Variants in ATF7IP2 observed in about 807,000 individuals in gnomAD.
ATF7IP2 encodes the protein activating transcription factor 7-interacting protein 2.
A neutral mutation model predicts 64.2 loss-of-function variants in ATF7IP2; 42 were observed. The ratio of observed to expected loss-of-function variants is 0.65; its 90% CI spans 0.51 to 0.85. ATF7IP2 has a LOEUF of 0.85. ATF7IP2 is among the 40% of genes least tolerant of loss of function. The pLI is 0.00. For missense variants in ATF7IP2, 933 were observed against 784.2 expected, an observed-to-expected ratio of 1.19 and a Z score of -2.27; for synonymous variants, 308 against 272.8, an observed-to-expected ratio of 1.13 and a Z score of -1.27.
intron 12 of ATF7IP2, among the ~76,000 whole-genome samples, chr16:10,478,370 C>A (rs1401949628): frequency 6.6e-6 from 1 of 152,104 alleles, no homozygotes; most frequent in Non-Finnish European, 1.5e-5. Context: ...ACTATCTGAT[C>A]TTTGACAAAC....
At chr16:10,415,282 A>T (rs1448504546) in intron 2 of ATF7IP2, among the ~76,000 whole-genome samples, 1 of 152,206 alleles carries the variant, frequency 6.6e-6, no homozygotes, top group Non-Finnish European at 1.5e-5. Flanking sequence ...AAACAGACCA[A>T]ACAGTAGAAC....
chr16:10,416,763 C>T (rs2047888475), intron 2 of ATF7IP2, among the ~76,000 whole-genome samples: 1 of 152,192 alleles, frequency 6.6e-6, no homozygotes, highest in Non-Finnish European at 1.5e-5. Context: ...CACCACTGCA[C>T]TCCAGCCTGG....
intron 1 of ATF7IP2, among the ~76,000 whole-genome samples, chr16:10,389,202 T>C (rs925155025): frequency 6.6e-6 from 1 of 152,118 alleles, no homozygotes; most frequent in East Asian, 1.9e-4. Context: ...AGTTGATATC[T>C]CCAGGAAAAG....
intron 9 of ATF7IP2, 100 bp downstream of exon 9, chr16:10,457,629 A>G: frequency 2.3e-6 from 2 of 882,798 alleles, no homozygotes; most frequent in Non-Finnish European, 1.7e-6. Context: ...ATTATTCTTA[A>G]CATTCACTCT....
intron 1 of ATF7IP2, among the ~76,000 whole-genome samples, chr16:10,402,939 G>A (rs1315615418): frequency 1.3e-5 from 2 of 151,636 alleles, no homozygotes; most frequent in Non-Finnish European, 2.9e-5. Flanking sequence ...GTCTTGTTTT[G>A]TGGTCTAATG....
At chr16:10,452,206 T>A (rs1021936903) in intron 8 of ATF7IP2, among the ~76,000 whole-genome samples, 6 of 152,214 alleles carry the variant, frequency 3.9e-5, no homozygotes, top group African/African-American at 1.4e-4. Context: ...GGCGTTCTTG[T>A]TTTTGGAATT....
intron 7 of ATF7IP2, among the ~76,000 whole-genome samples, chr16:10,438,726 G>GA (rs1443775248): frequency 6.6e-6 from 1 of 152,122 alleles, no homozygotes; most frequent in Non-Finnish European, 1.5e-5. Flanking sequence ...ACTCAGAACT[G>GA]TTAGGCATTC....
rs749245664 is a variant in ATF7IP2, at chr16:10,430,744, A to G, written c.124A>G (p.Ile42Val). 28 of 1,614,026 alleles carry G rather than the reference A, an allele frequency of 1.7e-5. No individual in the cohort carries two copies. Among genetic ancestry groups the G allele is most frequent in the South Asian group, 1.4e-4 (13 of 91,078 alleles). Residue 42 changes from isoleucine (I) to valine (V), a missense_variant, in exon 5 of 14, where the codon ATT (isoleucine) becomes GTT (valine). Physicochemically the swap from Ile to Val is conservative, Grantham distance 29 (BLOSUM62 3). Coordinates refer to ENST00000562102, the MANE Select transcript of ATF7IP2 (RefSeq NM_001393719.1). ...GAATGTTGAAGCGCTGAAAACAGCA[A>G]TTGGGAGTAATGTTCCAAGCGGTAA... Reference protein sequence around the residue: ...SRNVEALKTAIGSNVPSGNQS... With the variant: ...SRNVEALKTAVGSNVPSGNQS...
intron 12 of ATF7IP2, among the ~76,000 whole-genome samples, chr16:10,475,802 C>T (rs960958361): frequency 6.7e-5 from 10 of 149,636 alleles, no homozygotes; most frequent in African/African-American, 2.5e-4. Context: ...CAATTTAAAC[C>T]TGACCACACT....
At chr16:10,405,725 A>G (rs529818697) in intron 1 of ATF7IP2, among the ~76,000 whole-genome samples, 30 of 152,180 alleles carry the variant, frequency 2.0e-4, no homozygotes, top group Non-Finnish European at 3.7e-4. Context: ...CAGACCTACA[A>G]TTACCCCAGC....
intron 1 of ATF7IP2, among the ~76,000 whole-genome samples, chr16:10,403,893 A>G (rs2047583419): frequency 6.6e-6 from 1 of 152,226 alleles, no homozygotes; most frequent in African/African-American, 2.4e-5. Context: ...TAGTGAGACA[A>G]AAATAATATA....
At chr16:10,450,699 T>C (rs994336761) in intron 8 of ATF7IP2, among the ~76,000 whole-genome samples, 1 of 152,144 alleles carries the variant, frequency 6.6e-6, no homozygotes, top group Non-Finnish European at 1.5e-5. Flanking sequence ...ATTTTGAGCC[T>C]GTGTGTGTCT....
At chr16:10,399,688 A>G (rs1365062060) in intron 1 of ATF7IP2, among the ~76,000 whole-genome samples, 1 of 152,192 alleles carries the variant, frequency 6.6e-6, no homozygotes. Flanking sequence ...TTTTGGTTCC[A>G]TGTGATTTTC....
intron 9 of ATF7IP2, among the ~76,000 whole-genome samples, chr16:10,470,705 G>C (rs571222823): frequency 1.3e-5 from 2 of 151,992 alleles, no homozygotes; most frequent in South Asian, 4.2e-4. Flanking sequence ...GATCTTTTGA[G>C]CCCAGAGGTT....
intron 8 of ATF7IP2, chr16:10,448,062 G>C (rs573308254): frequency 1.3e-5 from 2 of 152,320 alleles, no homozygotes; most frequent in South Asian, 2.1e-4. Flanking sequence ...GGTCAGGTTT[G>C]TCAAAGATCA....
At chr16:10,433,744 G>A (rs2048330435) in intron 6 of ATF7IP2, 95 bp downstream of exon 6, 5 of 1,389,614 alleles carry the variant, frequency 3.6e-6, no homozygotes, top group Non-Finnish European at 4.0e-6. Flanking sequence ...TAATACAGAC[G>A]ACTTTCACTT....
chr16:10,430,786 A>C lies in ATF7IP2; in HGVS notation c.166A>C (p.Ser56Arg), dbSNP rs1243286439. The change falls in exon 5 of 14, where the codon AGT (serine) becomes CGT (arginine). Residue 56 changes from serine to arginine, a missense_variant. By Grantham distance (110) the Ser-to-Arg change is moderately radical (BLOSUM62 -1). Transcript: ENST00000562102. The stretch of plus-strand genomic sequence containing the variant: ...AAGCGGTAATCAGAGTTTCAGTCCT[A>C]GTGTCATAACTAGGACGACTGAAAT... ...VPSGNQSFSP[S>R]VITRTTEITK... 3.8e-6 allele frequency: 6 copies of C among 1,569,128 alleles called. No individual in the cohort carries two copies. The highest frequency in any genetic ancestry group is 5.2e-6 in the Non-Finnish European group (6 of 1,160,178).
intron 11 of ATF7IP2, among the ~76,000 whole-genome samples, 183 bp downstream of exon 11, chr16:10,473,717 AG>A (rs1053486180): frequency 1.3e-4 from 20 of 152,134 alleles, no homozygotes. Context: ...CATTCTCCTT[AG>A]TCATATTCTC....
chr16:10,443,117 G>A (rs2048683551), intron 8 of ATF7IP2, among the ~76,000 whole-genome samples: 2 of 152,144 alleles, frequency 1.3e-5, no homozygotes, highest in Admixed American at 1.3e-4. Context: ...CAGTTATTTG[G>A]CAGAGTGTCC....
Sources: gnomAD v4.1 joint callset for allele counts (sites outside exome capture counted in the v4.1 genomes callset) on GRCh38, gnomAD v4.1.1 for gene constraint, MANE v1.5 for transcripts, NCBI Gene and HGNC (gene_info 2026-07-23, HGNC 2026-07-21) for gene names.